Variants in XKR9 observed in about 807,000 individuals in gnomAD.
XKR9 encodes XK related 9.
In XKR9, 32 loss-of-function variants were observed where a neutral mutation model predicts 32.0. The ratio of observed to expected loss-of-function variants is 1.00; its 90% confidence interval spans 0.76 to 1.34. The LOEUF is 1.34. Ranked by LOEUF, XKR9 falls within the 40% of genes most tolerant of loss-of-function variation. The probability of loss-of-function intolerance (pLI) is 0.00; values close to 1 mark genes in which losing one functional copy is unlikely to be tolerated. For missense variants in XKR9, 546 were observed against 429.7 expected, an observed-to-expected ratio of 1.27 and a Z score of -2.39; for synonymous variants, 168 against 143.4, an observed-to-expected ratio of 1.17 and a Z score of -1.22.
chr8:70,922,937 G>A, the XKR9 span, among the ~76,000 whole-genome samples: 1 of 152,216 alleles, frequency 6.6e-6, no homozygotes, highest in Non-Finnish European at 1.5e-5. Context: ...TGCCGACGGG[G>A]CTCATGGATC....
the XKR9 span, among the ~76,000 whole-genome samples, chr8:70,812,939 C>G: frequency 3.3e-5 from 5 of 152,182 alleles, no homozygotes; most frequent in African/African-American, 1.2e-4. Context: ...TTGGAAAAAA[C>G]TACTTTAAAT....
intron 3 of XKR9, among the ~76,000 whole-genome samples, chr8:70,697,382 T>G (rs1161945429): frequency 2.0e-5 from 3 of 151,704 alleles, no homozygotes; most frequent in African/African-American, 7.3e-5. Context: ...TATTGAGAGT[T>G]TTTAGCATGA....
At chr8:70,977,968 T>C in the XKR9 span, among the ~76,000 whole-genome samples, 2 of 152,244 alleles carry the variant, frequency 1.3e-5, no homozygotes. Context: ...CTTGTTGAAT[T>C]GATCCCTTTA....
At chr8:70,757,289 T>C (rs1807240764) in intron 2 of XKR9, among the ~76,000 whole-genome samples, 1 of 152,174 alleles carries the variant, frequency 6.6e-6, no homozygotes, top group South Asian at 2.1e-4. Flanking sequence ...TGAGGGTCTG[T>C]TTATTTTTTC....
the XKR9 span, among the ~76,000 whole-genome samples, chr8:71,027,772 T>C: frequency 1.1e-5 from 1 of 91,358 alleles, no homozygotes; most frequent in Non-Finnish European, 2.6e-5. Flanking sequence ...CTCTTTCTTT[T>C]TTTTGGCGGG....
At chr8:70,951,401 C>T in the XKR9 span, among the ~76,000 whole-genome samples, 10 of 152,222 alleles carry the variant, frequency 6.6e-5, no homozygotes, top group African/African-American at 2.4e-4. Context: ...CCAGGGCCCT[C>T]ACAGGGCCTG....
At chr8:71,062,933 C>T in the XKR9 span, among the ~76,000 whole-genome samples, 498 of 152,140 alleles carry the variant, frequency 3.3e-3, 2 homozygotes, top group Non-Finnish European at 5.1e-3. Context: ...CCTCTGTATT[C>T]GAGCTATAAG....
chr8:70,890,418 C>G, the XKR9 span, among the ~76,000 whole-genome samples: 1 of 151,922 alleles, frequency 6.6e-6, no homozygotes, highest in Non-Finnish European at 1.5e-5. Context: ...AACTTTTCCC[C>G]TTTCAGTATA....
At chr8:70,837,824 A>G in the XKR9 span, among the ~76,000 whole-genome samples, 1 of 152,100 alleles carries the variant, frequency 6.6e-6, no homozygotes. Context: ...CTCTGTTTCT[A>G]TACTTCAATA....
chr8:70,868,890 C>T, the XKR9 span, among the ~76,000 whole-genome samples: 1 of 152,238 alleles, frequency 6.6e-6, no homozygotes, highest in South Asian at 2.1e-4. Flanking sequence ...TGCTTTGCTG[C>T]TTAGAAATTT....
At chr8:70,670,494 C>A (rs1193066037) in intron 1 of XKR9, 1 of 151,618 alleles carries the variant, frequency 6.6e-6, no homozygotes, top group Non-Finnish European at 1.5e-5. Context: ...AACATATCCA[C>A]TGTAGCAGCC....
At chr8:70,685,702 G>A (rs1326327791) in intron 3 of XKR9, among the ~76,000 whole-genome samples, 1 of 131,690 alleles carries the variant, frequency 7.6e-6, no homozygotes, top group African/African-American at 2.8e-5. Context: ...CATGGACACA[G>A]GAAGGGGAAC....
At chr8:70,723,347 C>T (rs1418226008) in intron 4 of XKR9, among the ~76,000 whole-genome samples, 2 of 152,116 alleles carry the variant, frequency 1.3e-5, no homozygotes, top group Non-Finnish European at 2.9e-5. Flanking sequence ...TGTGCCCTTG[C>T]TGGAGAGGAG....
the XKR9 span, among the ~76,000 whole-genome samples, chr8:70,938,155 G>T: frequency 6.6e-6 from 1 of 152,014 alleles, no homozygotes. Flanking sequence ...GGAGAAGCAG[G>T]ATTTGATTTG....
the XKR9 span, among the ~76,000 whole-genome samples, chr8:70,805,895 AG>A: frequency 6.6e-6 from 1 of 152,130 alleles, no homozygotes; most frequent in African/African-American, 2.4e-5. Flanking sequence ...CCCTCCACCA[AG>A]GGGCAGTGAA....
the XKR9 span, among the ~76,000 whole-genome samples, chr8:70,910,949 C>A: frequency 6.6e-6 from 1 of 152,348 alleles, no homozygotes; most frequent in South Asian, 2.1e-4. Flanking sequence ...CACCCATCTT[C>A]AAGTCCAGCA....
At chr8:70,883,507 C>G in the XKR9 span, among the ~76,000 whole-genome samples, 2 of 152,048 alleles carry the variant, frequency 1.3e-5, no homozygotes, top group Non-Finnish European at 2.9e-5. Flanking sequence ...AGTGGGATTG[C>G]TAGATAGAAT....
chr8:70,935,688 T>G, the XKR9 span, among the ~76,000 whole-genome samples: 1 of 152,058 alleles, frequency 6.6e-6, no homozygotes, highest in South Asian at 2.1e-4. Flanking sequence ...AATCTAGAAT[T>G]AAGAATAAGA....
At chr8:70,782,560 T>C (rs1807631510) in intron 2 of XKR9, among the ~76,000 whole-genome samples, 1 of 151,936 alleles carries the variant, frequency 6.6e-6, no homozygotes, top group South Asian at 2.1e-4. Flanking sequence ...TTTGTACCTT[T>C]TGATCATAAT....
Sources: allele counts gnomAD v4.1 joint callset (sites outside exome capture counted in the v4.1 genomes callset), GRCh38; gene constraint gnomAD v4.1.1; transcripts MANE v1.5; gene names NCBI Gene and HGNC (gene_info 2026-07-23, HGNC 2026-07-21).